SLTM: variants seen among roughly 807,000 people sequenced by gnomAD.
SLTM encodes the protein SAFB-like transcription modulator.
Under a neutral mutation model 134.6 loss-of-function variants are expected in SLTM, and 43 were observed. That is an observed-to-expected ratio of 0.32 (90% confidence interval 0.25 to 0.41). SLTM has a LOEUF of 0.41. Ranked by LOEUF, SLTM falls within the 10% of genes least tolerant of loss-of-function variation. SLTM has a pLI of 1.00. For missense variants in SLTM, 1,055 were observed against 1,288.8 expected (o/e 0.82, Z 2.78); for synonymous variants, 424 against 432.3 (o/e 0.98, Z 0.24).
intron 5 of SLTM, among the ~76,000 whole-genome samples, chr15:58,907,719 AAAC>A (rs753641094): frequency 6.6e-6 from 1 of 152,210 alleles, no homozygotes; most frequent in African/African-American, 2.4e-5. Flanking sequence ...CAAGCTAGTA[AAAC>A]AACACTACAA....
chr15:58,894,649 G>T, intron 9 of SLTM, 67 bp from the exon 10 acceptor site: 1 of 1,403,686 alleles, frequency 7.1e-7, no homozygotes, highest in Non-Finnish European at 1.0e-6. Context: ...CTAAATACAT[G>T]AAACTTCACA....
Position 58,913,671 on chromosome 15 carries a change from G to A in SLTM, c.341C>T (p.Ala114Val). 1 of 1,613,360 alleles carries A rather than the reference G, an allele frequency of 6.2e-7. No homozygotes were observed. Among genetic ancestry groups the A allele is most frequent in the Non-Finnish European group, 8.5e-7 (1 of 1,179,796 alleles). ...IKDCELENQE[A>V]HEQDGNDELK... ...TTCATCATTTCCATCTTGCTCATGTGCCTCTTGATTCTCCAATTCACAGTC... is the reference window on the plus strand; with the variant it reads ...TTCATCATTTCCATCTTGCTCATGTACCTCTTGATTCTCCAATTCACAGTC... The change falls in exon 4 of 21, where the codon GCA becomes GTA. Residue 114 changes from alanine (A) to valine (V), a missense_variant. Ala to Val is a moderately conservative substitution (Grantham distance 64). Transcript: ENST00000380516.
chr15:58,932,986 G>A (rs1344937742), intron 1 of SLTM, among the ~76,000 whole-genome samples: 2 of 152,184 alleles, frequency 1.3e-5, no homozygotes, highest in African/African-American at 2.4e-5. Context: ...ACAATTAAAC[G>A]GTAACTTCGC....
chr15:58,884,156 A>G (rs2033983170), intron 19 of SLTM, among the ~76,000 whole-genome samples: 1 of 152,008 alleles, frequency 6.6e-6, no homozygotes, highest in Non-Finnish European at 1.5e-5. Context: ...ATACCAACTT[A>G]TATTGGTGTG....
chr15:58,920,989 G>A (rs2037002965), intron 2 of SLTM, among the ~76,000 whole-genome samples: 1 of 151,892 alleles, frequency 6.6e-6, no homozygotes, highest in African/African-American at 2.4e-5. Context: ...TTAAAATAAA[G>A]GTATTATCTT....
At chr15:58,882,192 AAC>A (rs2033789819) in intron 20 of SLTM, among the ~76,000 whole-genome samples, 1 of 150,026 alleles carries the variant, frequency 6.7e-6, no homozygotes, top group Non-Finnish European at 1.5e-5. Context: ...AAAAAAAAAA[AAC>A]CACACTTAGA....
At position 58,882,134 on chromosome 15, in the gene SLTM, G is replaced by A. The variant is rs936629657; in HGVS notation, c.2996+1492C>T. ...CAGGAGGCAGAGGTTGCAGCGAGCC[G>A]AGACTGCACCACTACACTCCAGCCT... On this transcript the variant is annotated intron_variant, in intron 20 of 20. Transcript: ENST00000380516. Among the ~76,000 whole-genome samples the A allele has an allele frequency of 4.2e-5, 5 of 119,922 alleles. No homozygotes were observed. The South Asian group carries it at 9.0e-4, about 22-fold the overall frequency. 78.7% of individuals were successfully genotyped at this position (119,922 alleles called of 152,430 possible).
intron 16 of SLTM, 57 bp downstream of exon 16, chr15:58,889,373 A>G (rs1454316100): frequency 1.9e-6 from 3 of 1,600,798 alleles, no homozygotes; most frequent in Non-Finnish European, 2.6e-6. Flanking sequence ...CTCTAGTCTT[A>G]GCCTAAAGGG....
At chr15:58,926,599 C>G (rs962964502) in intron 2 of SLTM, among the ~76,000 whole-genome samples, 10 of 149,994 alleles carry the variant, frequency 6.7e-5, no homozygotes, top group Non-Finnish European at 1.0e-4. Flanking sequence ...CTTTTTTGTA[C>G]TTTTCTGGAT....
At chr15:58,921,352 T>C (rs1465820804) in intron 2 of SLTM, 2 of 158,952 alleles carry the variant, frequency 1.3e-5, no homozygotes, top group African/African-American at 4.8e-5. Context: ...CTCTGAGGAG[T>C]TACAATGTGC....
At chr15:58,910,683 C>G (rs2036205079) in intron 5 of SLTM, among the ~76,000 whole-genome samples, 1 of 149,552 alleles carries the variant, frequency 6.7e-6, no homozygotes, top group South Asian at 2.1e-4. Context: ...CCCCTTTTTG[C>G]AAATCAGTAA....
At position 58,892,887 on chromosome 15, in the gene SLTM, C is replaced by A; in HGVS notation, c.1898+10G>T. On this transcript the variant is annotated intron_variant, in intron 14 of 20. Coordinates refer to ENST00000380516, the MANE Select transcript of SLTM (RefSeq NM_024755.4). ...TTTAAAGACAGGTATAAAACAGACT[C>A]TCTTCCTACCTTCGAAGTTCCATTG... 1 of 1,611,696 alleles carries A rather than the reference C, an allele frequency of 6.2e-7. No individual in the cohort carries two copies. The highest frequency in any genetic ancestry group is 8.5e-7 in the Non-Finnish European group (1 of 1,179,156).
At chr15:58,910,783 T>A (rs2036215575) in intron 5 of SLTM, among the ~76,000 whole-genome samples, 1 of 150,876 alleles carries the variant, frequency 6.6e-6, no homozygotes, top group Non-Finnish European at 1.5e-5. Flanking sequence ...CTCGGTCTGT[T>A]GCCTAGGCTG....
intron 20 of SLTM, among the ~76,000 whole-genome samples, chr15:58,883,319 A>G (rs1832158303): frequency 6.6e-6 from 1 of 152,216 alleles, no homozygotes; most frequent in Admixed American, 6.5e-5. Context: ...CATCTCAAAA[A>G]ACAAAAAACA....
rs2037996168 is a variant in SLTM at position 58,933,078 on chromosome 15, T to C, written c.162+326A>G. On this transcript the variant is annotated intron_variant, in intron 1 of 20. Transcript: ENST00000380516. ...GGCTAAAGGCTGGGGAGCCAGCGCCTCCCAGGTCTCCGCGATCGCCCTTGG... is the reference window on the plus strand; with the variant it reads ...GGCTAAAGGCTGGGGAGCCAGCGCCCCCCAGGTCTCCGCGATCGCCCTTGG... Among the ~76,000 whole-genome samples the C allele has an allele frequency of 2.0e-5, 3 of 152,070 alleles. No homozygotes were observed. In the South Asian group the frequency reaches 6.2e-4, roughly 31 times the overall value.
intron 2 of SLTM, among the ~76,000 whole-genome samples, chr15:58,925,924 A>G (rs2037424557): frequency 6.6e-6 from 1 of 152,222 alleles, no homozygotes; most frequent in Admixed American, 6.5e-5. Context: ...AGCAATGTAG[A>G]AGTTTTCCGA....
intron 1 of SLTM, among the ~76,000 whole-genome samples, chr15:58,932,779 A>T (rs192113954): frequency 9.8e-5 from 15 of 152,362 alleles, no homozygotes; most frequent in East Asian, 5.8e-4. Flanking sequence ...GAGTTTTCCT[A>T]GTTTCTGTAA....
chr15:58,926,854 C>T (rs756018940), intron 2 of SLTM, among the ~76,000 whole-genome samples: 5 of 152,016 alleles, frequency 3.3e-5, no homozygotes, highest in Non-Finnish European at 7.4e-5. Context: ...CCTTGTGATC[C>T]ACCCACCTCG....
chr15:58,890,065 G>C (rs1462191393), intron 15 of SLTM: 3 of 580,684 alleles, frequency 5.2e-6, no homozygotes, highest in African/African-American at 1.9e-5. Context: ...TGATATTGCA[G>C]AGCTAGAATT....
Sources: gnomAD v4.1 joint callset for allele counts (sites outside exome capture counted in the v4.1 genomes callset) on GRCh38, gnomAD v4.1.1 for gene constraint, MANE v1.5 for transcripts, NCBI Gene and HGNC (gene_info 2026-07-23, HGNC 2026-07-21) for gene names.